The following STRN variants were observed in gnomAD, a reference collection of about 807,000 sequenced individuals.
The protein encoded by STRN is protein phosphatase 2 regulatory subunit B'''alpha.
Under a neutral mutation model 96.3 loss-of-function variants are expected in STRN, and 53 were observed. That is an observed-to-expected ratio of 0.55 (90% CI 0.44 to 0.69). The LOEUF (loss-of-function observed/expected upper bound fraction) is 0.69, where lower values mean the gene tolerates loss of function less well. STRN is among the 30% of genes least tolerant of loss of function. The probability of loss-of-function intolerance (pLI) is 0.00; values close to 1 mark genes in which losing one functional copy is unlikely to be tolerated. For synonymous variants in STRN, 428 were observed against 355.9 expected (o/e 1.20, Z -2.28); for missense variants, 987 against 963.9 (o/e 1.02, Z -0.32).
At chr2:36,915,454 T>C (rs1670072910) in intron 3 of STRN, among the ~76,000 whole-genome samples, 1 of 151,678 alleles carries the variant, frequency 6.6e-6, no homozygotes, top group Non-Finnish European at 1.5e-5. Context: ...AAGTGAATTA[T>C]ATCTATATTT....
In STRN at chr2:36,855,323, C is replaced by T. The variant is rs1369948833; in HGVS notation, c.1867G>A (p.Val623Met). 2 of 1,613,668 alleles carry T rather than the reference C, an allele frequency of 1.2e-6. No individual in the cohort carries two copies. Among genetic ancestry groups the T allele is most frequent in the Non-Finnish European group, 8.5e-7 (1 of 1,179,762 alleles). ...ELGIPASVDL[V>M]SSDPSHMVAS... ...ACCATATGGCTCGGGTCACTGCTCA[C>T]TAGATCCACAGAGGCAGGGATTCCC... The change falls in exon 15 of 18, where the codon GTG becomes ATG. Residue 623 changes from valine (V) to methionine (M), a missense_variant. By Grantham distance (21) the Val-to-Met change is conservative. Transcript: ENST00000263918.
intron 1 of STRN, among the ~76,000 whole-genome samples, chr2:36,954,105 C>T (rs868557882): frequency 1.8e-4 from 28 of 152,244 alleles, no homozygotes; most frequent in Middle Eastern, 3.4e-3. Flanking sequence ...AATCAAAGTG[C>T]TTGATCTTTG....
intron 1 of STRN, among the ~76,000 whole-genome samples, chr2:36,959,960 C>T (rs1401476732): frequency 6.6e-6 from 1 of 152,086 alleles, no homozygotes; most frequent in African/African-American, 2.4e-5. Context: ...AAACACTGAA[C>T]TGAAGAGACA....
chr2:36,957,742 G>C (rs369053915), intron 1 of STRN, among the ~76,000 whole-genome samples: 1 of 103,132 alleles, frequency 9.7e-6, no homozygotes, highest in Non-Finnish European at 1.9e-5. Context: ...TCTTCTTTTT[G>C]TCTTTTTTTT....
At chr2:36,852,068 A>G (rs981695554) in intron 15 of STRN, among the ~76,000 whole-genome samples, 4 of 152,232 alleles carry the variant, frequency 2.6e-5, no homozygotes, top group Admixed American at 1.3e-4. Context: ...CTCCTCCACA[A>G]TCAGGTGACA....
chr2:36,883,692 C>A (rs1395886689), intron 9 of STRN, among the ~76,000 whole-genome samples: 2 of 152,102 alleles, frequency 1.3e-5, no homozygotes, highest in Non-Finnish European at 2.9e-5. Context: ...GTGGAGCCAG[C>A]GGATATTTTA....
At chr2:36,851,816 A>G (rs1668228877) in intron 15 of STRN, among the ~76,000 whole-genome samples, 2 of 152,180 alleles carry the variant, frequency 1.3e-5, no homozygotes, top group African/African-American at 2.4e-5. Context: ...ATTATCATCT[A>G]AAGATATATA....
At chr2:36,928,076 C>CT (rs938301296) in intron 1 of STRN, among the ~76,000 whole-genome samples, 5 of 151,686 alleles carry the variant, frequency 3.3e-5, no homozygotes, top group African/African-American at 9.7e-5. Context: ...AATCTTTTAC[C>CT]TTTTTTTTCT....
intron 16 of STRN, among the ~76,000 whole-genome samples, chr2:36,850,482 T>C (rs779543505): frequency 8.5e-5 from 13 of 152,188 alleles, no homozygotes; most frequent in South Asian, 8.3e-4. Context: ...AGTTTTATAA[T>C]ACAGAAAAGA....
chr2:36,904,449 G>GT (rs1447757754), intron 4 of STRN, among the ~76,000 whole-genome samples: 2 of 152,158 alleles, frequency 1.3e-5, no homozygotes, highest in African/African-American at 4.8e-5. Context: ...CACTGAGCTG[G>GT]TGAGTCTAGT....
rs1669627220 is a variant in STRN at position 36,899,471 on chromosome 2, T to C, written c.795+52A>G. Reference sequence around the variant, plus strand: ...ATGGATTCTTTTATGCATTATACAGTATGTATTATAGTCCCTAAAAATATT... The same window carrying C: ...ATGGATTCTTTTATGCATTATACAGCATGTATTATAGTCCCTAAAAATATT... On this transcript the variant is annotated intron_variant, in intron 6 of 17. Coordinates refer to ENST00000263918, the MANE Select transcript of STRN (RefSeq NM_003162.4). The C allele has an allele frequency of 2.7e-6, 4 of 1,494,886 alleles. No homozygotes were observed. In the East Asian group the frequency reaches 9.3e-5, roughly 35 times the overall value. The allele number at this position is 1,494,886 out of a possible 1,614,324, so 92.6% of individuals were successfully genotyped here. A position where few individuals can be genotyped will look rare whatever the true frequency, so the allele number is the denominator to read the frequency against.
chr2:36,899,522 C>T lies in STRN; in HGVS notation c.795+1G>A. 6.2e-7 allele frequency: 1 copy of T among 1,611,208 alleles called. No individual in the cohort carries two copies. Among genetic ancestry groups the T allele is most frequent in the Non-Finnish European group, 8.5e-7 (1 of 1,179,326 alleles). On this transcript the variant is annotated splice_donor_variant, in intron 6 of 17. Coordinates refer to ENST00000263918, the MANE Select transcript of STRN (RefSeq NM_003162.4). LOFTEE classifies it high-confidence loss of function. ...TATATTGTATGAGTTATCTAACTCA[C>T]TGTTGAAGTATCAATGACGCTTTTC...
chr2:36,920,194 A>G (rs1033172468), intron 2 of STRN, among the ~76,000 whole-genome samples: 8 of 152,244 alleles, frequency 5.3e-5, no homozygotes, highest in Non-Finnish European at 1.0e-4. Context: ...TAGTTTCTCT[A>G]TGAGTATATT....
chr2:36,939,444 ATT>A (rs1431814851), intron 1 of STRN, among the ~76,000 whole-genome samples: 1 of 152,136 alleles, frequency 6.6e-6, no homozygotes, highest in Non-Finnish European at 1.5e-5. Flanking sequence ...TCTTATTCGC[ATT>A]ATATATCTTA....
intron 5 of STRN, among the ~76,000 whole-genome samples, chr2:36,901,551 CAAAAA>C (rs72004958): frequency 1.0e-5 from 1 of 96,688 alleles, no homozygotes; most frequent in Admixed American, 1.1e-4. Flanking sequence ...GACTCCGCCT[CAAAAA>C]AAAAAAAAAA....
At chr2:36,888,607 T>C (rs1353158623) in intron 7 of STRN, among the ~76,000 whole-genome samples, 1 of 151,448 alleles carries the variant, frequency 6.6e-6, no homozygotes, top group East Asian at 1.9e-4. Context: ...GGGCTTATCA[T>C]GGCCACTATA....
intron 1 of STRN, among the ~76,000 whole-genome samples, chr2:36,956,931 T>TA (rs1281080746): frequency 6.6e-6 from 1 of 152,164 alleles, no homozygotes; most frequent in Non-Finnish European, 1.5e-5. Flanking sequence ...AGCCAAAAAT[T>TA]CTGGACAAAA....
intron 10 of STRN, among the ~76,000 whole-genome samples, chr2:36,872,122 A>G (rs1240208700): frequency 6.6e-6 from 1 of 152,210 alleles, no homozygotes; most frequent in Non-Finnish European, 1.5e-5. Context: ...CCACTTCCTT[A>G]TAGGTAAACC....
chr2:36,866,313 G>A (rs771639428), intron 12 of STRN, among the ~76,000 whole-genome samples: 14 of 152,088 alleles, frequency 9.2e-5, no homozygotes, highest in Non-Finnish European at 1.8e-4. Flanking sequence ...CAATCTGCCC[G>A]CCTCAGCTTC....
Sources: allele counts gnomAD v4.1 joint callset (sites outside exome capture counted in the v4.1 genomes callset), GRCh38; gene constraint gnomAD v4.1.1; transcripts MANE v1.5; gene names NCBI Gene and HGNC (gene_info 2026-07-23, HGNC 2026-07-21).